Variants in LHCGR observed in about 807,000 individuals in gnomAD.
LHCGR encodes luteinizing hormone/choriogonadotropin receptor, also known as lutropin-choriogonadotropic hormone receptor.
Under a neutral mutation model 60.7 loss-of-function variants are expected in LHCGR, and 55 were observed. The ratio of observed to expected loss-of-function variants is 0.91; its 90% confidence interval spans 0.73 to 1.13. LHCGR has a LOEUF of 1.13. Ranked by LOEUF, LHCGR falls within the 50% of genes most tolerant of loss-of-function variation. The pLI, the probability that LHCGR is intolerant of heterozygous loss-of-function variation, is 0.00. For missense variants in LHCGR, 862 were observed against 836.0 expected, an observed-to-expected ratio of 1.03 and a Z score of -0.38; for synonymous variants, 337 against 316.5, an observed-to-expected ratio of 1.06 and a Z score of -0.69.
intron 1 of LHCGR, among the ~76,000 whole-genome samples, chr2:48,731,723 T>C (rs774034126): frequency 1.6e-3 from 243 of 152,310 alleles, no homozygotes; most frequent in Non-Finnish European, 2.4e-3. Flanking sequence ...AAGTATATAG[T>C]TAAATAGTTG....
At chr2:48,747,124 C>G (rs1669745245) in intron 1 of LHCGR, among the ~76,000 whole-genome samples, 1 of 151,160 alleles carries the variant, frequency 6.6e-6, no homozygotes, top group African/African-American at 2.4e-5. Flanking sequence ...CAGTCTCGCT[C>G]TGTTGCAGAG....
At chr2:48,702,056 C>T (rs777629579) in intron 8 of LHCGR, among the ~76,000 whole-genome samples, 28 of 151,248 alleles carry the variant, frequency 1.9e-4, no homozygotes, top group Non-Finnish European at 3.1e-4. Context: ...ATAACATCTG[C>T]TAGAGTAGGG....
intron 6 of LHCGR, among the ~76,000 whole-genome samples, chr2:48,719,838 A>G (rs920185478): frequency 6.6e-6 from 1 of 152,228 alleles, no homozygotes; most frequent in Non-Finnish European, 1.5e-5. Flanking sequence ...TTATTTTCTA[A>G]TTAGAGAGTT....
chr2:48,691,754 G>A (rs1171782478), intron 10 of LHCGR, among the ~76,000 whole-genome samples: 2 of 151,356 alleles, frequency 1.3e-5, no homozygotes, highest in African/African-American at 4.9e-5. Context: ...GTTGAGGCAG[G>A]AGAATCGCTT....
chr2:48,750,481 G>A (rs1669911330), intron 1 of LHCGR, among the ~76,000 whole-genome samples: 1 of 152,182 alleles, frequency 6.6e-6, no homozygotes, highest in East Asian at 1.9e-4. Flanking sequence ...TAGACTGGAA[G>A]CCTACAAATT....
At chr2:48,723,145 T>C (rs1200243411) in intron 6 of LHCGR, among the ~76,000 whole-genome samples, 1 of 152,226 alleles carries the variant, frequency 6.6e-6, no homozygotes, top group African/African-American at 2.4e-5. Context: ...GCCACTCCTC[T>C]CTAGACTGTG....
intron 8 of LHCGR, among the ~76,000 whole-genome samples, chr2:48,702,639 C>T (rs143912553): frequency 0.011 from 1,603 of 152,294 alleles, 21 homozygotes; most frequent in South Asian, 0.03. Context: ...ATATGTGCCA[C>T]ATTTTCTTTA....
At chr2:48,747,289 AC>A (rs1175719495) in intron 1 of LHCGR, among the ~76,000 whole-genome samples, 1 of 152,010 alleles carries the variant, frequency 6.6e-6, no homozygotes. Flanking sequence ...ACAAGGTTTC[AC>A]CATGTTGGCC....
At chr2:48,738,611 C>T (rs1352595067) in intron 1 of LHCGR, among the ~76,000 whole-genome samples, 1 of 152,196 alleles carries the variant, frequency 6.6e-6, no homozygotes, top group Admixed American at 6.5e-5. Context: ...CCCACTCTTG[C>T]CCTCATGTAA....
intron 6 of LHCGR, chr2:48,720,294 A>G (rs1394304000): frequency 6.6e-6 from 1 of 152,056 alleles, no homozygotes; most frequent in Non-Finnish European, 1.5e-5. Flanking sequence ...GATTATCCCA[A>G]CATTGGTTTT....
At chr2:48,719,380 T>A (rs560428333) in intron 6 of LHCGR, among the ~76,000 whole-genome samples, 2 of 152,296 alleles carry the variant, frequency 1.3e-5, no homozygotes, top group Non-Finnish European at 2.9e-5. Flanking sequence ...TGGCTTGTCA[T>A]GGGTGCAGCC....
chr2:48,733,088 A>G, intron 1 of LHCGR: 2 of 415,594 alleles, frequency 4.8e-6, no homozygotes, highest in Non-Finnish European at 9.8e-6. Flanking sequence ...CAATAAATTT[A>G]CAGAAGAGAA....
chr2:48,748,515 G>A (rs1247596655), intron 1 of LHCGR, among the ~76,000 whole-genome samples: 6 of 152,160 alleles, frequency 3.9e-5, no homozygotes, highest in Non-Finnish European at 7.3e-5. Flanking sequence ...CTGCTGTTTT[G>A]GGATTCTAAC....
At chr2:48,737,144 C>T (rs1046777270) in intron 1 of LHCGR, among the ~76,000 whole-genome samples, 1 of 152,120 alleles carries the variant, frequency 6.6e-6, no homozygotes, top group African/African-American at 2.4e-5. Flanking sequence ...TTCCTTCTGC[C>T]CAACACATGG....
At chr2:48,718,019 G>A (rs573351990) in intron 6 of LHCGR, among the ~76,000 whole-genome samples, 9 of 151,826 alleles carry the variant, frequency 5.9e-5, no homozygotes, top group African/African-American at 1.9e-4. Flanking sequence ...AAATGTGAGT[G>A]GGAGACCTCA....
chr2:48,723,695 T>C lies in LHCGR; in HGVS notation c.385A>G (p.Ser129Gly). 2 of 1,611,194 alleles carry C rather than the reference T, an allele frequency of 1.2e-6. No individual in the cohort carries two copies. The highest frequency in any genetic ancestry group is 1.7e-6 in the Non-Finnish European group (2 of 1,177,324). ...FINLPRLKYL[S>G]ICNTGIRKFP... ...TTTCTGATGCCTGTGTTACAGATGC[T>C]CCTGTGATTAGGGACAGGATAGTGG... is the stretch of plus-strand genomic sequence containing the variant. Residue 129 changes from serine to glycine, a missense_variant and splice_region_variant, in exon 5 of 11, where the codon AGC (serine) becomes GGC (glycine). Physicochemically the swap from Ser to Gly is moderately conservative, Grantham distance 56 (BLOSUM62 0). Coordinates refer to ENST00000294954, the MANE Select transcript of LHCGR (RefSeq NM_000233.4).
chr2:48,740,857 C>T (rs888328857), intron 1 of LHCGR, among the ~76,000 whole-genome samples: 6 of 152,216 alleles, frequency 3.9e-5, no homozygotes, highest in African/African-American at 1.4e-4. Flanking sequence ...CTTTGACGAG[C>T]TGAGAGAAGA....
At chr2:48,724,665 C>T (rs1668642027) in intron 4 of LHCGR, among the ~76,000 whole-genome samples, 2 of 152,152 alleles carry the variant, frequency 1.3e-5, no homozygotes, top group East Asian at 1.9e-4. Flanking sequence ...TAAGAGGCTG[C>T]AGTGGTCAAA....
chr2:48,716,141 C>A (rs1429339351), intron 6 of LHCGR, among the ~76,000 whole-genome samples: 2 of 152,080 alleles, frequency 1.3e-5, no homozygotes. Flanking sequence ...GTTTCTGAAC[C>A]ATTTCTCAAG....
Sources: gnomAD v4.1 joint callset for allele counts (sites outside exome capture counted in the v4.1 genomes callset) on GRCh38, gnomAD v4.1.1 for gene constraint, MANE v1.5 for transcripts, NCBI Gene and HGNC (gene_info 2026-07-23, HGNC 2026-07-21) for gene names.